The following MTA3 variants were observed in gnomAD, a reference collection of about 807,000 sequenced individuals.
MTA3 encodes metastasis-associated protein MTA3.
MTA3 carries 34 observed loss-of-function variants against 83.5 expected under a neutral mutation model. The ratio of observed to expected loss-of-function variants is 0.41; its 90% CI spans 0.31 to 0.54. The LOEUF is 0.54. Ranked by LOEUF, MTA3 falls within the 20% of genes least tolerant of loss-of-function variation. The pLI is 0.33. For missense variants in MTA3, 761 were observed against 726.4 expected (o/e 1.05, Z -0.55); for synonymous variants, 303 against 252.7 (o/e 1.20, Z -1.89).
chr2:42,523,430 T>C (rs767777628), intron 2 of MTA3, among the ~76,000 whole-genome samples: 3 of 152,058 alleles, frequency 2.0e-5, no homozygotes, highest in Non-Finnish European at 4.4e-5. Context: ...TGCTGGAGCC[T>C]GAATAAGGCA....
intron 5 of MTA3, 111 bp downstream of exon 5, chr2:42,640,347 A>G: frequency 1.3e-6 from 1 of 744,364 alleles, no homozygotes; most frequent in Non-Finnish European, 2.1e-6. Flanking sequence ...CATTATATTA[A>G]TAGCAGTATT....
intron 14 of MTA3, among the ~76,000 whole-genome samples, chr2:42,713,886 T>C (rs2104521494): frequency 6.6e-6 from 1 of 152,344 alleles, no homozygotes; most frequent in African/African-American, 2.4e-5. Context: ...CTTATGCAGA[T>C]ATCATTTCAT....
intron 4 of MTA3, among the ~76,000 whole-genome samples, chr2:42,615,711 CTTTTTTTTTTTTTTTTTT>C (rs35331224): frequency 1.7e-5 from 1 of 59,794 alleles, no homozygotes; most frequent in Admixed American, 2.8e-4. Context: ...ATAATCTCTT[CTTTTTTTTTTTTTTTTTT>C]TTTTTTTTTG....
chr2:42,605,789 C>A (rs1381399201), intron 3 of MTA3, among the ~76,000 whole-genome samples: 1 of 116,336 alleles, frequency 8.6e-6, no homozygotes, highest in African/African-American at 3.4e-5. Flanking sequence ...AAGGGGCGGC[C>A]GGGCAGAGGC....
At chr2:42,558,968 C>T (rs1240392621) in intron 2 of MTA3, among the ~76,000 whole-genome samples, 6 of 152,000 alleles carry the variant, frequency 3.9e-5, no homozygotes, top group African/African-American at 1.4e-4. Context: ...GAGTAGAGAA[C>T]CAACCTTTGC....
At chr2:42,701,353 G>A (rs1293509790) in intron 11 of MTA3, among the ~76,000 whole-genome samples, 1 of 142,110 alleles carries the variant, frequency 7.0e-6, no homozygotes, top group Non-Finnish European at 1.5e-5. Flanking sequence ...TTGAGAAGTT[G>A]AGGTGGAATG....
chr2:42,749,932 C>T (rs1458931003), intron 16 of MTA3, among the ~76,000 whole-genome samples: 1 of 152,124 alleles, frequency 6.6e-6, no homozygotes, highest in Non-Finnish European at 1.5e-5. Flanking sequence ...ATGTATGTTT[C>T]ATAGATACTG....
chr2:42,694,787 G>A (rs1693228459), intron 9 of MTA3, among the ~76,000 whole-genome samples: 1 of 152,130 alleles, frequency 6.6e-6, no homozygotes, highest in Admixed American at 6.5e-5. Context: ...TTTAAATGCC[G>A]TTTCTAAAAT....
chr2:42,613,040 C>T (rs1276163318), intron 4 of MTA3, among the ~76,000 whole-genome samples: 1 of 152,092 alleles, frequency 6.6e-6, no homozygotes, highest in Non-Finnish European at 1.5e-5. Context: ...TTTCTTTTAA[C>T]AGATTGCCTG....
At chr2:42,718,336 C>T (rs1369853347) in intron 14 of MTA3, among the ~76,000 whole-genome samples, 4 of 151,922 alleles carry the variant, frequency 2.6e-5, no homozygotes, top group Admixed American at 2.0e-4. Context: ...CAATGTCCAC[C>T]TCCTGGGTTC....
chr2:42,681,309 C>G (rs1048504831), intron 8 of MTA3, among the ~76,000 whole-genome samples: 10 of 152,080 alleles, frequency 6.6e-5, no homozygotes, highest in African/African-American at 2.2e-4. Context: ...TTTGCTTTTT[C>G]TGTGCAGCAT....
chr2:42,742,345 GC>G (rs1406180635), intron 16 of MTA3, among the ~76,000 whole-genome samples: 1 of 151,992 alleles, frequency 6.6e-6, no homozygotes, highest in Non-Finnish European at 1.5e-5. Context: ...CACCATGTTG[GC>G]CAGGTGTGTC....
At chr2:42,706,957 A>G (rs1259159785) in intron 12 of MTA3, among the ~76,000 whole-genome samples, 1 of 151,046 alleles carries the variant, frequency 6.6e-6, no homozygotes, top group Non-Finnish European at 1.5e-5. Flanking sequence ...CTCCTCCCCT[A>G]CTCCCTCCCT....
At chr2:42,746,610 C>T (rs1016195754) in intron 16 of MTA3, among the ~76,000 whole-genome samples, 1 of 152,240 alleles carries the variant, frequency 6.6e-6, no homozygotes, top group Admixed American at 6.5e-5. Flanking sequence ...TCCTGTGATT[C>T]TGACCTGCTG....
intron 8 of MTA3, among the ~76,000 whole-genome samples, chr2:42,677,254 C>T (rs540792827): frequency 1.2e-4 from 19 of 152,192 alleles, no homozygotes; most frequent in Admixed American, 3.3e-4. Flanking sequence ...GAGGGACCAC[C>T]GGGGGAGATA....
intron 2 of MTA3, among the ~76,000 whole-genome samples, chr2:42,516,117 G>A (rs969388128): frequency 1.3e-5 from 2 of 151,720 alleles, no homozygotes; most frequent in African/African-American, 2.4e-5. Flanking sequence ...GGGTTTCACC[G>A]TGTTAGCTCC....
At chr2:42,745,356 T>C (rs998775053) in intron 16 of MTA3, among the ~76,000 whole-genome samples, 1 of 152,156 alleles carries the variant, frequency 6.6e-6, no homozygotes, top group African/African-American at 2.4e-5. Context: ...AGTAAGTGTT[T>C]GGGAAAATAG....
intron 11 of MTA3, among the ~76,000 whole-genome samples, chr2:42,699,451 G>C (rs912164895): frequency 6.6e-6 from 1 of 152,122 alleles, no homozygotes. Flanking sequence ...ACAATGAAGA[G>C]TCATGGTCAG....
At chr2:42,560,364 C>T (rs1677609494) in intron 2 of MTA3, among the ~76,000 whole-genome samples, 1 of 151,092 alleles carries the variant, frequency 6.6e-6, no homozygotes, top group Non-Finnish European at 1.5e-5. Flanking sequence ...ACAAATCAAG[C>T]TGTGGTTGGT....
Sources: allele counts gnomAD v4.1 joint callset (sites outside exome capture counted in the v4.1 genomes callset), GRCh38; gene constraint gnomAD v4.1.1; transcripts MANE v1.5; gene names NCBI Gene and HGNC (gene_info 2026-07-23, HGNC 2026-07-21).